SLIT2: variants seen among roughly 807,000 people sequenced by gnomAD.
SLIT2 encodes slit homolog 2 protein.
A neutral mutation model predicts 185.7 loss-of-function variants in SLIT2; 41 were observed. The observed-to-expected ratio is 0.22, with a 90% CI of 0.17 to 0.29. SLIT2 has a LOEUF of 0.29. SLIT2 is among the 10% of genes least tolerant of loss of function. The pLI, the probability that SLIT2 is intolerant of heterozygous loss-of-function variation, is 1.00. For synonymous variants in SLIT2, 693 were observed against 680.2 expected (o/e 1.02, Z -0.29); for missense variants, 1,571 against 1,909.0 (o/e 0.82, Z 3.30).
At chr4:20,339,553 A>G in intron 4 of SLIT2, among the ~76,000 whole-genome samples, 1 of 152,156 alleles carries the variant, frequency 6.6e-6, no homozygotes. Flanking sequence ...TTTCATGTGG[A>G]CTCTAGGGCA....
intron 4 of SLIT2, among the ~76,000 whole-genome samples, chr4:20,401,155 G>A (rs895248208): frequency 5.9e-5 from 9 of 151,856 alleles, no homozygotes; most frequent in African/African-American, 1.9e-4. Flanking sequence ...CAGAAAGCCT[G>A]ATAGAAATGA....
At chr4:20,485,652 G>A (rs1717152040) in intron 6 of SLIT2, among the ~76,000 whole-genome samples, 1 of 152,138 alleles carries the variant, frequency 6.6e-6, no homozygotes, top group South Asian at 2.1e-4. Flanking sequence ...GCAAGTACCA[G>A]ATGTAGATAT....
At chr4:20,442,925 G>GA (rs1729882995) in intron 4 of SLIT2, among the ~76,000 whole-genome samples, 1 of 152,138 alleles carries the variant, frequency 6.6e-6, no homozygotes, top group Admixed American at 6.5e-5. Flanking sequence ...AAATGAAAGA[G>GA]AAAATTTTGC....
intron 12 of SLIT2, among the ~76,000 whole-genome samples, chr4:20,523,007 G>A (rs1364394761): frequency 6.6e-6 from 1 of 152,148 alleles, no homozygotes; most frequent in East Asian, 1.9e-4. Flanking sequence ...AAAAGGAATT[G>A]AGAGTGCTAG....
At chr4:20,515,235 T>G (rs190089603) in intron 11 of SLIT2, among the ~76,000 whole-genome samples, 2 of 152,354 alleles carry the variant, frequency 1.3e-5, no homozygotes, top group African/African-American at 4.8e-5. Flanking sequence ...CTGCTGGCTT[T>G]GTTACGGAGT....
chr4:20,268,418 T>C (rs1277605186), intron 3 of SLIT2, among the ~76,000 whole-genome samples: 1 of 151,744 alleles, frequency 6.6e-6, no homozygotes, highest in East Asian at 1.9e-4. Context: ...TGGCTGAACT[T>C]TTAGGCCAAT....
intron 4 of SLIT2, among the ~76,000 whole-genome samples, chr4:20,436,515 T>A (rs1577655817): frequency 6.6e-6 from 1 of 152,310 alleles, no homozygotes; most frequent in Admixed American, 6.5e-5. Flanking sequence ...CCAGAGTGGC[T>A]TGCTTACTGG....
At chr4:20,343,063 A>T (rs1158380687) in intron 4 of SLIT2, among the ~76,000 whole-genome samples, 1 of 152,108 alleles carries the variant, frequency 6.6e-6, no homozygotes, top group African/African-American at 2.4e-5. Flanking sequence ...ATCACCCTGA[A>T]GAGAGGGTGT....
chr4:20,529,910 G>T (rs1244144286), intron 16 of SLIT2, among the ~76,000 whole-genome samples: 2 of 152,118 alleles, frequency 1.3e-5, no homozygotes, highest in African/African-American at 2.4e-5. Flanking sequence ...CTGTTTGTTT[G>T]TATATAATCC....
chr4:20,604,875 G>A (rs1047622546), intron 33 of SLIT2, among the ~76,000 whole-genome samples: 7 of 148,898 alleles, frequency 4.7e-5, no homozygotes, highest in South Asian at 2.1e-4. Flanking sequence ...TTGCTCTGTC[G>A]CCCAGGCTAG....
chr4:20,295,688 T>A (rs931504254), intron 4 of SLIT2, among the ~76,000 whole-genome samples: 6 of 152,176 alleles, frequency 3.9e-5, no homozygotes. Context: ...ACTCATAGTA[T>A]TTTCAGGATT....
chr4:20,335,467 G>T (rs1720413438), intron 4 of SLIT2, among the ~76,000 whole-genome samples: 1 of 152,140 alleles, frequency 6.6e-6, no homozygotes, highest in African/African-American at 2.4e-5. Flanking sequence ...TGTAAAAGAG[G>T]ACCATAGTTG....
chr4:20,568,791 T>C, intron 28 of SLIT2, 74 bp from the exon 29 acceptor site: 1 of 1,388,860 alleles, frequency 7.2e-7, no homozygotes, highest in Non-Finnish European at 9.9e-7. Flanking sequence ...ATTATGCTTT[T>C]TTCAATATTT....
At chr4:20,600,559 A>T (rs113937782) in intron 33 of SLIT2, among the ~76,000 whole-genome samples, 12,038 of 151,394 alleles carry the variant, frequency 0.08, 982 homozygotes, top group African/African-American at 0.2. Flanking sequence ...AGTAGCTGGG[A>T]CTACGGGCAC....
chr4:20,466,488 AT>A (rs777457381), intron 4 of SLIT2, among the ~76,000 whole-genome samples: 1 of 151,686 alleles, frequency 6.6e-6, no homozygotes, highest in African/African-American at 2.4e-5. Context: ...ACTAGTATTT[AT>A]TTTTTTTACG....
chr4:20,487,822 GTATCAT>G, intron 7 of SLIT2, among the ~76,000 whole-genome samples: 1 of 152,278 alleles, frequency 6.6e-6, no homozygotes, highest in East Asian at 1.9e-4. Context: ...TTATTCTATA[GTATCAT>G]TGCTACTTAA....
chr4:20,322,319 T>C (rs1719165810), intron 4 of SLIT2, among the ~76,000 whole-genome samples: 2 of 152,104 alleles, frequency 1.3e-5, no homozygotes, highest in South Asian at 4.1e-4. Context: ...ACATGAGACA[T>C]CAGTCAACAC....
chr4:20,605,687 C>T (rs1229014347), intron 33 of SLIT2, among the ~76,000 whole-genome samples: 3 of 146,082 alleles, frequency 2.1e-5, no homozygotes, highest in Admixed American at 1.4e-4. Context: ...ACTGATGTGT[C>T]GATCACTGCT....
chr4:20,600,413 ATTTTTTTTTT>A (rs1281627568), intron 33 of SLIT2, among the ~76,000 whole-genome samples: 6 of 89,500 alleles, frequency 6.7e-5, no homozygotes, highest in African/African-American at 2.8e-4. Flanking sequence ...ATTATGTTGC[ATTTTTTTTTT>A]TTTTTTTTTT....
Sources: gnomAD v4.1 joint callset for allele counts (sites outside exome capture counted in the v4.1 genomes callset) on GRCh38, gnomAD v4.1.1 for gene constraint, MANE v1.5 for transcripts, NCBI Gene and HGNC (gene_info 2026-07-23, HGNC 2026-07-21) for gene names.